FSTL5: variants seen among roughly 807,000 people sequenced by gnomAD.
FSTL5 encodes the protein follistatin like 5, also known as follistatin-related protein 5.
Under a neutral mutation model 89.1 loss-of-function variants are expected in FSTL5, and 62 were observed. That is an observed-to-expected ratio of 0.70 (90% CI 0.57 to 0.86). The LOEUF is 0.86. Among genes scored for constraint, FSTL5 ranks in the 40% least tolerant of loss-of-function variants. FSTL5 has a pLI of 0.00. For synonymous variants in FSTL5, 383 were observed against 346.2 expected (o/e 1.11, Z -1.18); for missense variants, 1,057 against 1,001.6 (o/e 1.06, Z -0.75).
At chr4:162,073,164 T>C (rs980172717) in intron 2 of FSTL5, among the ~76,000 whole-genome samples, 4 of 151,838 alleles carry the variant, frequency 2.6e-5, no homozygotes, top group Non-Finnish European at 4.4e-5. Context: ...TATAGACACA[T>C]ATAAACATAC....
rs937410022 is a variant in FSTL5 at position 161,386,142 on chromosome 4, T to G, written c.2149A>C (p.Arg717=). 6.2e-6 allele frequency: 10 copies of G among 1,614,048 alleles called. No individual in the cohort carries two copies. The highest frequency in any genetic ancestry group is 8.5e-6 in the Non-Finnish European group (10 of 1,179,982). The change falls in exon 16 of 16, where the codon AGG becomes CGG. Residue 717 remains arginine (R), a synonymous_variant. Coordinates refer to ENST00000306100, the MANE Select transcript of FSTL5 (RefSeq NM_020116.5). ...CCTCTGATGGTAATGTACTGAACCCTTACAAGACCTTTCACATCATTAATG... is the reference window on the plus strand; with the variant it reads ...CCTCTGATGGTAATGTACTGAACCCGTACAAGACCTTTCACATCATTAATG... ...VSINDVKGLV[R]VQYITIRGEI...
chr4:161,612,848 T>C (rs1018861473), intron 7 of FSTL5, among the ~76,000 whole-genome samples: 1 of 152,034 alleles, frequency 6.6e-6, no homozygotes, highest in Admixed American at 6.5e-5. Context: ...ACCTCAGTGG[T>C]ATCAATTATG....
At chr4:161,784,920 A>G (rs1190032598) in intron 4 of FSTL5, among the ~76,000 whole-genome samples, 2 of 150,854 alleles carry the variant, frequency 1.3e-5, no homozygotes, top group Non-Finnish European at 3.0e-5. Context: ...ACAAACAAAA[A>G]AAAGAAGATA....
chr4:162,039,243 T>C (rs1048287161), intron 2 of FSTL5, among the ~76,000 whole-genome samples: 1 of 151,772 alleles, frequency 6.6e-6, no homozygotes, highest in African/African-American at 2.4e-5. Context: ...AGATATCAAG[T>C]AGATATAAGG....
At chr4:161,492,858 G>A (rs1729929537) in intron 12 of FSTL5, among the ~76,000 whole-genome samples, 1 of 151,852 alleles carries the variant, frequency 6.6e-6, no homozygotes, top group African/African-American at 2.4e-5. Flanking sequence ...ATAGTACATG[G>A]AGAATGTAAA....
intron 5 of FSTL5, among the ~76,000 whole-genome samples, chr4:161,760,733 T>C (rs1301471128): frequency 6.6e-6 from 1 of 152,228 alleles, no homozygotes; most frequent in Non-Finnish European, 1.5e-5. Flanking sequence ...TGGTTGCACA[T>C]TCACAATGAA....
At chr4:161,836,434 A>C (rs140343349) in intron 4 of FSTL5, among the ~76,000 whole-genome samples, 11,641 of 151,494 alleles carry the variant, frequency 0.077, 513 homozygotes, top group African/African-American at 0.12. Context: ...TGCACATGTA[A>C]CCTAAAACTT....
At chr4:161,437,162 A>G (rs571290688) in intron 15 of FSTL5, among the ~76,000 whole-genome samples, 1 of 152,282 alleles carries the variant, frequency 6.6e-6, no homozygotes, top group Non-Finnish European at 1.5e-5. Context: ...TTGAAGCATT[A>G]AGAGAGCCTG....
chr4:161,827,122 A>C (rs1315091601), intron 4 of FSTL5, among the ~76,000 whole-genome samples: 1 of 152,048 alleles, frequency 6.6e-6, no homozygotes, highest in Non-Finnish European at 1.5e-5. Context: ...GGCTGCTCTT[A>C]AGATTCTTTT....
intron 4 of FSTL5, among the ~76,000 whole-genome samples, chr4:161,845,690 T>G (rs1482281339): frequency 6.6e-6 from 1 of 152,200 alleles, no homozygotes; most frequent in Non-Finnish European, 1.5e-5. Context: ...AACTCATTAC[T>G]TAATTGCTTC....
intron 15 of FSTL5, among the ~76,000 whole-genome samples, chr4:161,454,260 C>T (rs572596487): frequency 6.6e-6 from 1 of 152,128 alleles, no homozygotes; most frequent in Non-Finnish European, 1.5e-5. Context: ...GTTTCAGATT[C>T]ATTTTTAACA....
intron 6 of FSTL5, among the ~76,000 whole-genome samples, chr4:161,693,409 C>A (rs1167364649): frequency 1.3e-5 from 2 of 151,946 alleles, no homozygotes; most frequent in African/African-American, 4.8e-5. Flanking sequence ...GAGAATTTTT[C>A]TTTTAAAGTT....
rs182600164 is a variant in FSTL5, at chr4:161,470,380, C to T, written c.1608+10640G>A. On this transcript the variant is annotated intron_variant, in intron 13 of 15. Transcript: ENST00000306100. Reference sequence around the variant, plus strand: ...TTGCCCCACTGAATGGTCTTGGCACCCTTATAAAAAAAAATTGACTATATA... The same window carrying T: ...TTGCCCCACTGAATGGTCTTGGCACTCTTATAAAAAAAAATTGACTATATA... Among the ~76,000 whole-genome samples, 622 of 145,144 alleles carry T rather than the reference C, an allele frequency of 4.3e-3. 3 individuals are homozygous for T. The highest frequency in any genetic ancestry group is 0.015 in the African/African-American group (593 of 38,292).
At chr4:161,935,447 T>G (rs531218088) in intron 3 of FSTL5, among the ~76,000 whole-genome samples, 6 of 152,292 alleles carry the variant, frequency 3.9e-5, no homozygotes, top group African/African-American at 1.2e-4. Context: ...ATCTTCTTAC[T>G]GATTACTGTC....
chr4:161,692,545 C>T (rs576645148), intron 6 of FSTL5, among the ~76,000 whole-genome samples: 2 of 151,948 alleles, frequency 1.3e-5, no homozygotes, highest in South Asian at 2.1e-4. Context: ...TAGAATGTGC[C>T]CTAATCTAAT....
intron 15 of FSTL5, among the ~76,000 whole-genome samples, chr4:161,395,033 A>C (rs1730950553): frequency 6.6e-6 from 1 of 152,152 alleles, no homozygotes; most frequent in Non-Finnish European, 1.5e-5. Flanking sequence ...ATAAATCCTG[A>C]AGGGATTTAA....
At chr4:162,148,801 A>T (rs1394827415) in intron 1 of FSTL5, among the ~76,000 whole-genome samples, 2 of 152,214 alleles carry the variant, frequency 1.3e-5, no homozygotes, top group African/African-American at 2.4e-5. Flanking sequence ...CATTTCAATA[A>T]GAAGTGATCA....
intron 8 of FSTL5, among the ~76,000 whole-genome samples, chr4:161,558,253 G>A (rs922097315): frequency 5.3e-5 from 8 of 151,826 alleles, no homozygotes; most frequent in African/African-American, 1.5e-4. Context: ...GGTGGGAGTA[G>A]GAGAGAGCTC....
chr4:161,813,683 G>T (rs359147), intron 4 of FSTL5, among the ~76,000 whole-genome samples: 40,059 of 151,992 alleles, frequency 0.26, 6,079 homozygotes, highest in East Asian at 0.39. Flanking sequence ...CTTTGCCTTA[G>T]TTATTTTATC....
Sources: gnomAD v4.1 joint callset for allele counts (sites outside exome capture counted in the v4.1 genomes callset) on GRCh38, gnomAD v4.1.1 for gene constraint, MANE v1.5 for transcripts, NCBI Gene and HGNC (gene_info 2026-07-23, HGNC 2026-07-21) for gene names.